DGKQ: variants seen among roughly 807,000 people sequenced by gnomAD.
DGKQ encodes the protein diacylglycerol kinase theta, also known as DAG kinase theta.
DGKQ carries 97 observed loss-of-function variants against 104.2 expected under a neutral mutation model. The observed-to-expected ratio is 0.93, with a 90% confidence interval of 0.79 to 1.10. DGKQ has a LOEUF of 1.10. DGKQ is among the 50% of genes least tolerant of loss of function. The pLI is 0.00. For synonymous variants in DGKQ, 736 were observed against 595.2 expected (o/e 1.24, Z -3.44); for missense variants, 1,465 against 1,352.1 (o/e 1.08, Z -1.31).
rs199768579 is a variant in DGKQ at position 968,883 on chromosome 4, G to C, written c.379C>G (p.Arg127Gly). ...CAGAACTTGCGCTTGTGGAGCCCCCGGGGGCCGAAGCAGTGGGCTACAGGA... is the reference window on the plus strand; with the variant it reads ...CAGAACTTGCGCTTGTGGAGCCCCCCGGGGCCGAAGCAGTGGGCTACAGGA... ...RVPVAHCFGP[R>G]GLHKRKFCAV... Residue 127 changes from arginine to glycine, a missense_variant, in exon 3 of 23, where the codon CGG (arginine) becomes GGG (glycine). Coordinates refer to ENST00000273814, the MANE Select transcript of DGKQ (RefSeq NM_001347.4). 1 of 1,600,804 alleles carries C rather than the reference G, an allele frequency of 6.2e-7. No individual in the cohort carries two copies. The highest frequency in any genetic ancestry group is 8.5e-7 in the Non-Finnish European group (1 of 1,172,072).
chr4:966,373 G>A (rs1712337532), intron 12 of DGKQ, 93 bp downstream of exon 12: 11 of 1,385,902 alleles, frequency 7.9e-6, no homozygotes, highest in Non-Finnish European at 1.0e-5. Context: ...TAGCCAAGGA[G>A]AACTCGGCGT....
chr4:972,984 G>C (rs999478852), intron 1 of DGKQ, among the ~76,000 whole-genome samples: 1 of 152,194 alleles, frequency 6.6e-6, no homozygotes, highest in Non-Finnish European at 1.5e-5. Flanking sequence ...CAGCCATCGC[G>C]CGGCACTATG....
In DGKQ at chr4:973,525, G is replaced by C; in HGVS notation, c.-43C>G. 3 of 987,158 alleles carry C rather than the reference G, an allele frequency of 3.0e-6. No individual in the cohort carries two copies. The highest frequency in any genetic ancestry group is 4.7e-5 in the South Asian group (1 of 21,270). 61.1% of individuals were successfully genotyped at this position (987,158 alleles called of 1,614,324 possible). On this transcript the variant is annotated 5_prime_UTR_variant, in exon 1 of 23. Transcript: ENST00000273814. ...CGAGCCCCTTTAGGTCCGCGCCGGGGGTACAGGAGCCGCCGCTCCACGGCC... is the reference window on the plus strand; with the variant it reads ...CGAGCCCCTTTAGGTCCGCGCCGGGCGTACAGGAGCCGCCGCTCCACGGCC...
rs1232936681 is a variant in DGKQ, at chr4:967,128, C to A, written c.1220+1G>T. 2 of 1,581,726 alleles carry A rather than the reference C, an allele frequency of 1.3e-6. No homozygotes were observed. The highest frequency in any genetic ancestry group is 3.5e-5 in the Admixed American group (2 of 57,360). ...ACCCTGAGCCTCGGGCCCAGTCTCA[C>A]TTGAGCCAGCCAGGGTAGATCTTCA... On this transcript the variant is annotated splice_donor_variant, in intron 9 of 22. Coordinates refer to ENST00000273814, the MANE Select transcript of DGKQ (RefSeq NM_001347.4). LOFTEE classifies it high-confidence loss of function.
intron 2 of DGKQ, among the ~76,000 whole-genome samples, chr4:969,658 G>A (rs1476852730): frequency 6.8e-6 from 1 of 146,818 alleles, no homozygotes; most frequent in African/African-American, 2.5e-5. Flanking sequence ...CGCCCAGGCT[G>A]GAGTGCAGTG....
rs1293724588 is a variant in DGKQ at position 967,019 on chromosome 4, G to GGGGTCACTCGCACGGACGT, written c.1255_1256insACGTCCGTGCGAGTGACCC (p.Pro419HisfsTer109). On this transcript the variant is annotated frameshift_variant, in exon 10 of 23. Transcript: ENST00000273814. LOFTEE classifies it high-confidence loss of function. Reference sequence around the variant, plus strand: ...CACCACAGAGCGGGCCGTGCTCTTCGGGGTCACTCGCACGGACACGTAGGC... The same window carrying GGGGTCACTCGCACGGACGT: ...CACCACAGAGCGGGCCGTGCTCTTCGGGGTCACTCGCACGGACGTGGGTCACTCGCACGGACACGTAGGC... The GGGGTCACTCGCACGGACGT allele has an allele frequency of 6.8e-5, 107 of 1,563,670 alleles. No individual in the cohort carries two copies. The highest frequency in any genetic ancestry group is 9.0e-5 in the Non-Finnish European group (104 of 1,156,196).
intron 15 of DGKQ, 66 bp from the exon 16 acceptor site, chr4:963,356 C>T: frequency 6.8e-7 from 1 of 1,474,942 alleles, no homozygotes; most frequent in Non-Finnish European, 9.3e-7. Flanking sequence ...CTGGGGTTGC[C>T]AGGCAGTGCC....
Position 973,265 on chromosome 4 carries a change from A to G in DGKQ, c.218T>C (p.Phe73Ser). The change falls in exon 1 of 23, where the codon TTC becomes TCC. Residue 73 changes from phenylalanine (F) to serine (S), a missense_variant. Transcript: ENST00000273814. Reference protein sequence around the residue: ...FRKVTLTKPTFCHLCSDFIWG... With the variant: ...FRKVTLTKPTSCHLCSDFIWG... ...GATGAAGTCGGAGCAGAGGTGGCAG[A>G]AGGTGGGCTTGGTGAGCGTCACCTT... 1 of 1,552,714 alleles carries G rather than the reference A, an allele frequency of 6.4e-7. No individual in the cohort carries two copies. The highest frequency in any genetic ancestry group is 2.7e-5 in the East Asian group (1 of 36,962).
chr4:971,548 A>G lies in DGKQ; in HGVS notation c.272-476T>C, dbSNP rs1712934672. Among the ~76,000 whole-genome samples the G allele has an allele frequency of 6.6e-6, 1 of 152,172 alleles. No homozygotes were observed. The highest frequency in any genetic ancestry group is 1.5e-5 in the Non-Finnish European group (1 of 68,020). On this transcript the variant is annotated intron_variant, in intron 1 of 22. Transcript: ENST00000273814. The surrounding 1 kb of genome is among the most constrained non-coding windows in gnomAD (Gnocchi z 4.0). ...CCGTGCCTGAGACCGAGAGCCACCC[A>G]AGGCAGGTGAGGGCTCTGGGAGGCA...
rs1037180454 is a variant in DGKQ, at chr4:971,185, G to A, written c.272-113C>T. The A allele has an allele frequency of 2.7e-6, 2 of 751,148 alleles. No individual in the cohort carries two copies. Among genetic ancestry groups the A allele is most frequent in the South Asian group, 1.7e-5 (1 of 59,804 alleles). 46.5% of individuals were successfully genotyped at this position (751,148 alleles called of 1,614,324 possible). ...GCCATACCCACCATGCTGCACCAGG[G>A]GCCCTGTGGTCCTCGAGTTCCCCCA... On this transcript the variant is annotated intron_variant, in intron 1 of 22. Coordinates refer to ENST00000273814, the MANE Select transcript of DGKQ (RefSeq NM_001347.4). The surrounding 1 kb of genome is among the most constrained non-coding windows in gnomAD (Gnocchi z 4.0).
intron 15 of DGKQ, among the ~76,000 whole-genome samples, chr4:964,662 T>C (rs1274247570): frequency 6.6e-6 from 1 of 152,144 alleles, no homozygotes; most frequent in Non-Finnish European, 1.5e-5. Flanking sequence ...GGAGCTGCAC[T>C]GACTGGCCTG....
Position 966,381 on chromosome 4 carries a change from C to T in DGKQ, c.1428+85G>A, listed in dbSNP as rs569428587. The T allele has an allele frequency of 3.1e-5, 45 of 1,443,808 alleles. No individual in the cohort carries two copies. The East Asian group carries it at 4.1e-4, about 13-fold the overall frequency. The allele number at this position is 1,443,808 out of a possible 1,614,324, so 89.4% of individuals were successfully genotyped here. A position where few individuals can be genotyped will look rare whatever the true frequency, so the allele number is the denominator to read the frequency against. Reference sequence around the variant, plus strand: ...CGCTGCCTAGCCAAGGAGAACTCGGCGTCTGGGGCACACCCACCCTGTGGG... The same window carrying T: ...CGCTGCCTAGCCAAGGAGAACTCGGTGTCTGGGGCACACCCACCCTGTGGG... On this transcript the variant is annotated intron_variant, in intron 12 of 22. Coordinates refer to ENST00000273814, the MANE Select transcript of DGKQ (RefSeq NM_001347.4).
intron 1 of DGKQ, 56 bp downstream of exon 1, chr4:973,156 G>A (rs1445777052): frequency 7.0e-6 from 10 of 1,429,136 alleles, no homozygotes; most frequent in Middle Eastern, 2.1e-4. Flanking sequence ...TCAGGCTCCC[G>A]CCCACGGGGC....
At chr4:969,293 T>C (rs891166934) in intron 2 of DGKQ, among the ~76,000 whole-genome samples, 2 of 152,090 alleles carry the variant, frequency 1.3e-5, no homozygotes, top group Non-Finnish European at 2.9e-5. Context: ...CTTCCCTCCT[T>C]GGGGCAGGCG....
chr4:966,936 G>A (rs1482321872), intron 10 of DGKQ, 28 bp downstream of exon 10: 3 of 1,550,982 alleles, frequency 1.9e-6, no homozygotes, highest in Non-Finnish European at 2.6e-6. Context: ...AGTCTGGCCG[G>A]CATGGGGAGC....
rs777758720 is a variant in DGKQ at position 965,530 on chromosome 4, C to A, written c.1580-1G>T. 1 of 1,611,816 alleles carries A rather than the reference C, an allele frequency of 6.2e-7. No individual in the cohort carries two copies. The highest frequency in any genetic ancestry group is 8.5e-7 in the Non-Finnish European group (1 of 1,179,530). On this transcript the variant is annotated splice_acceptor_variant, in intron 13 of 22. Transcript: ENST00000273814. LOFTEE classifies it high-confidence loss of function. ...ATGTGACTCACGGACACCACGGTGGCTGCAAAGGCAGGCTGTGGTCAGGGC... is the reference window on the plus strand; with the variant it reads ...ATGTGACTCACGGACACCACGGTGGATGCAAAGGCAGGCTGTGGTCAGGGC...
chr4:973,201 C>G lies in DGKQ; in HGVS notation c.271+11G>C. ...GCTGCAGCCGGGTAGGCATCGGGCC[C>G]GGGCGCTCACCGTCGCACAGGAAGC... On this transcript the variant is annotated intron_variant, in intron 1 of 22. Coordinates refer to ENST00000273814, the MANE Select transcript of DGKQ (RefSeq NM_001347.4). The G allele has an allele frequency of 6.5e-7, 1 of 1,542,568 alleles. No homozygotes were observed. The highest frequency in any genetic ancestry group is 8.7e-7 in the Non-Finnish European group (1 of 1,147,420).
At chr4:961,250 C>G (rs1458999766) in intron 21 of DGKQ, 49 bp from the exon 22 acceptor site, 4 of 1,463,360 alleles carry the variant, frequency 2.7e-6, no homozygotes, top group Non-Finnish European at 1.8e-6. Context: ...GGGACGCCCA[C>G]CGCTGACCTG....
At chr4:965,095 G>A in intron 15 of DGKQ, 81 bp downstream of exon 15, 2 of 1,063,640 alleles carry the variant, frequency 1.9e-6, no homozygotes, top group South Asian at 1.3e-5. Context: ...TCTGGCTGTG[G>A]GGCCTGTGCA....
Sources: gnomAD v4.1 joint callset for allele counts (sites outside exome capture counted in the v4.1 genomes callset) on GRCh38, gnomAD v4.1.1 for gene constraint, Gnocchi (gnomAD v3.1) non-coding constraint, MANE v1.5 for transcripts, NCBI Gene and HGNC (gene_info 2026-07-23, HGNC 2026-07-21) for gene names.